ACYP2: variants seen among roughly 807,000 people sequenced by gnomAD.
ACYP2 encodes the protein acylphosphatase-2.
A neutral mutation model predicts 11.2 loss-of-function variants in ACYP2; 12 were observed. That is an observed-to-expected ratio of 1.08 (90% CI 0.69 to 1.74). ACYP2 has a LOEUF of 1.74. Among genes scored for constraint, ACYP2 ranks in the 40% most tolerant of loss-of-function variants. ACYP2 has a pLI of 0.00. For missense variants in ACYP2, 134 were observed against 101.9 expected (o/e 1.31, Z -1.35); for synonymous variants, 43 against 32.2 (o/e 1.33, Z -1.13).
At chr2:54,169,682 C>T (rs933570252) in intron 6 of ACYP2, among the ~76,000 whole-genome samples, 13 of 152,190 alleles carry the variant, frequency 8.5e-5, no homozygotes, top group South Asian at 2.1e-4. Context: ...ATGAAACTTA[C>T]GGTTTTTTTT....
chr2:54,254,685 C>T, intron 6 of ACYP2: 1 of 524,998 alleles, frequency 1.9e-6, no homozygotes, highest in East Asian at 3.0e-5. Flanking sequence ...GGATGTGACC[C>T]ATCGGCTGGG....
At chr2:54,021,979 T>A (rs10084449) in intron 2 of ACYP2, among the ~76,000 whole-genome samples, 3,136 of 152,000 alleles carry the variant, frequency 0.021, 102 homozygotes, top group African/African-American at 0.072. Context: ...AGTAAAAAAA[T>A]AAAAAAATGA....
chr2:54,081,966 G>T (rs1677678847), intron 4 of ACYP2, among the ~76,000 whole-genome samples: 1 of 152,164 alleles, frequency 6.6e-6, no homozygotes, highest in Non-Finnish European at 1.5e-5. Flanking sequence ...TCTTCAGAGG[G>T]CAGTCATAAT....
intron 2 of ACYP2, among the ~76,000 whole-genome samples, chr2:53,976,538 G>T (rs1346314896): frequency 6.6e-6 from 1 of 152,118 alleles, no homozygotes; most frequent in Admixed American, 6.6e-5. Flanking sequence ...ATTTGAATTA[G>T]AATGATTCAT....
At chr2:53,979,971 C>T (rs1412066330) in intron 2 of ACYP2, among the ~76,000 whole-genome samples, 3 of 151,972 alleles carry the variant, frequency 2.0e-5, no homozygotes, top group Non-Finnish European at 4.4e-5. Context: ...GGATTATAGG[C>T]GTGAGCCACC....
chr2:54,202,628 G>A (rs1189246751), intron 6 of ACYP2, among the ~76,000 whole-genome samples: 3 of 125,048 alleles, frequency 2.4e-5, no homozygotes, highest in Admixed American at 8.7e-5. Flanking sequence ...GGTTGGTTTC[G>A]AACTCCTGAC....
intron 6 of ACYP2, among the ~76,000 whole-genome samples, chr2:54,257,109 C>T (rs1018149050): frequency 6.6e-6 from 1 of 152,166 alleles, no homozygotes; most frequent in Non-Finnish European, 1.5e-5. Context: ...CACAGTGCCT[C>T]ACACCTGTAA....
intron 2 of ACYP2, among the ~76,000 whole-genome samples, chr2:53,994,771 A>T (rs1672488842): frequency 6.6e-6 from 1 of 152,208 alleles, no homozygotes; most frequent in South Asian, 2.1e-4. Flanking sequence ...TGAATATCTG[A>T]AACTCAGTGA....
intron 4 of ACYP2, among the ~76,000 whole-genome samples, chr2:54,122,047 A>G (rs572318663): frequency 6.6e-6 from 1 of 152,362 alleles, no homozygotes; most frequent in Non-Finnish European, 1.5e-5. Flanking sequence ...TAAGTAAGGC[A>G]GAATTTTATT....
At chr2:54,097,765 C>T (rs1440164915) in intron 4 of ACYP2, among the ~76,000 whole-genome samples, 1 of 151,424 alleles carries the variant, frequency 6.6e-6, no homozygotes, top group Non-Finnish European at 1.5e-5. Flanking sequence ...GAAATGCTTC[C>T]CTGTATCTAT....
intron 6 of ACYP2, among the ~76,000 whole-genome samples, chr2:54,184,015 G>A (rs1320328085): frequency 6.6e-6 from 1 of 152,106 alleles, no homozygotes; most frequent in Non-Finnish European, 1.5e-5. Context: ...GATGATAGAT[G>A]CTCAACACTT....
At chr2:54,268,397 A>G (rs902618261) in intron 6 of ACYP2, among the ~76,000 whole-genome samples, 4 of 152,194 alleles carry the variant, frequency 2.6e-5, no homozygotes, top group Non-Finnish European at 5.9e-5. Flanking sequence ...CGATTTATTT[A>G]TACACTATTC....
intron 2 of ACYP2, among the ~76,000 whole-genome samples, chr2:54,031,544 G>T (rs1326419665): frequency 6.6e-5 from 10 of 152,106 alleles, no homozygotes; most frequent in Non-Finnish European, 1.5e-4. Flanking sequence ...ATTTGGGTTG[G>T]TTCCAAGTCT....
chr2:54,302,497 A>G (rs181922662), intron 6 of ACYP2, among the ~76,000 whole-genome samples: 2 of 152,168 alleles, frequency 1.3e-5, no homozygotes, highest in Admixed American at 6.5e-5. Context: ...AGAACCCCCA[A>G]AGTACAGTCA....
intron 2 of ACYP2, among the ~76,000 whole-genome samples, chr2:54,007,401 G>C (rs1190929237): frequency 2.0e-5 from 3 of 151,716 alleles, no homozygotes; most frequent in Non-Finnish European, 4.4e-5. Flanking sequence ...CTACAGGCAT[G>C]TGCCACCATG....
At chr2:54,255,175 G>C (rs1345082195) in intron 6 of ACYP2, 8 of 1,614,208 alleles carry the variant, frequency 5.0e-6, no homozygotes, top group Non-Finnish European at 6.8e-6. Flanking sequence ...CATGATTAGA[G>C]TGGAAAAAGA....
At chr2:54,101,089 C>T (rs551824061) in intron 4 of ACYP2, among the ~76,000 whole-genome samples, 3 of 152,232 alleles carry the variant, frequency 2.0e-5, no homozygotes, top group African/African-American at 7.2e-5. Context: ...GAGCTGTGGT[C>T]GGAGGACCCC....
At chr2:54,002,368 C>T (rs1415934951) in intron 2 of ACYP2, among the ~76,000 whole-genome samples, 7 of 144,384 alleles carry the variant, frequency 4.8e-5, no homozygotes, top group East Asian at 2.0e-4. Flanking sequence ...TTTTTTGAGA[C>T]GGAGTCTTGC....
intron 3 of ACYP2, among the ~76,000 whole-genome samples, chr2:54,056,788 A>G (rs1328420316): frequency 2.0e-5 from 3 of 152,140 alleles, no homozygotes; most frequent in East Asian, 3.8e-4. Context: ...ATAGCTTTCT[A>G]CTATATTACC....
Sources: allele counts gnomAD v4.1 joint callset (sites outside exome capture counted in the v4.1 genomes callset), GRCh38; gene constraint gnomAD v4.1.1; transcripts MANE v1.5; gene names NCBI Gene and HGNC (gene_info 2026-07-23, HGNC 2026-07-21).